Variants in HTR4 observed in about 807,000 individuals in gnomAD.
The protein encoded by HTR4 is 5-hydroxytryptamine (serotonin) receptor 4, G protein-coupled.
In HTR4, 16 loss-of-function variants were observed where a neutral mutation model predicts 36.8. The ratio of observed to expected loss-of-function variants is 0.43; its 90% CI spans 0.29 to 0.66. HTR4 has a LOEUF of 0.66. HTR4 is among the 30% of genes least tolerant of loss of function. HTR4 has a pLI of 0.13. For synonymous variants in HTR4, 189 were observed against 185.1 expected, an observed-to-expected ratio of 1.02 and a Z score of -0.17; for missense variants, 438 against 490.9, an observed-to-expected ratio of 0.89 and a Z score of 1.02.
intron 1 of HTR4, among the ~76,000 whole-genome samples, chr5:148,642,853 C>A (rs1414316283): frequency 6.6e-6 from 1 of 152,042 alleles, no homozygotes; most frequent in Non-Finnish European, 1.5e-5. Context: ...TCAGCTGATA[C>A]ATTCTCTTTA....
chr5:148,523,370 G>C (rs748875247), intron 4 of HTR4, 24 bp from the exon 5 acceptor site: 3 of 1,579,096 alleles, frequency 1.9e-6, no homozygotes, highest in Non-Finnish European at 2.6e-6. Flanking sequence ...AGAGGGCAGA[G>C]CATAGGCATG....
intron 2 of HTR4, among the ~76,000 whole-genome samples, chr5:148,636,244 A>G (rs1416578154): frequency 6.6e-6 from 1 of 152,186 alleles, no homozygotes; most frequent in African/African-American, 2.4e-5. Context: ...CCTGAAATAT[A>G]CTTTTCTAGA....
intron 2 of HTR4, among the ~76,000 whole-genome samples, chr5:148,624,810 A>T (rs1175105673): frequency 6.6e-6 from 1 of 152,196 alleles, no homozygotes; most frequent in African/African-American, 2.4e-5. Flanking sequence ...ATGGGCCTTC[A>T]ATGATGTGGA....
intron 6 of HTR4, among the ~76,000 whole-genome samples, chr5:148,488,214 C>T (rs998601058): frequency 3.3e-5 from 5 of 152,178 alleles, no homozygotes; most frequent in African/African-American, 9.7e-5. Flanking sequence ...GTTTCCCAAA[C>T]ATAGGATGTG....
chr5:148,627,616 A>C (rs1387972409), intron 2 of HTR4, among the ~76,000 whole-genome samples: 1 of 152,240 alleles, frequency 6.6e-6, no homozygotes, highest in Non-Finnish European at 1.5e-5. Flanking sequence ...AAATGAAGTC[A>C]TTACAAGCTA....
At chr5:148,476,559 T>C, downstream of HTR4, 1 of 1,423,640 alleles carries the variant, frequency 7.0e-7, no homozygotes. Flanking sequence ...CACTGAGATT[T>C]GGGACTGAAG....
intron 1 of HTR4, among the ~76,000 whole-genome samples, chr5:148,638,775 C>T (rs562503987): frequency 1.4e-4 from 21 of 152,204 alleles, no homozygotes; most frequent in Non-Finnish European, 2.2e-4. Context: ...TGATTCCTGG[C>T]CGGGGGCAGT....
chr5:148,461,123 T>G (rs1209455940), intron 5 of HTR4, among the ~76,000 whole-genome samples: 1 of 151,996 alleles, frequency 6.6e-6, no homozygotes, highest in African/African-American at 2.4e-5. Context: ...AAATAGAAGT[T>G]AAACTGATAT....
intron 2 of HTR4, among the ~76,000 whole-genome samples, chr5:148,567,025 T>C (rs1760470960): frequency 6.6e-6 from 1 of 152,096 alleles, no homozygotes; most frequent in Non-Finnish European, 1.5e-5. Context: ...TTAATAATTA[T>C]ATGAAATCCG....
intron 6 of HTR4, among the ~76,000 whole-genome samples, chr5:148,509,068 A>T (rs1168092140): frequency 6.6e-6 from 1 of 152,142 alleles, no homozygotes; most frequent in Non-Finnish European, 1.5e-5. Context: ...AATAGATAAC[A>T]TTTACTAAAT....
At chr5:148,645,698 AGGT>A (rs1413216956) in intron 1 of HTR4, 1 of 152,396 alleles carries the variant, frequency 6.6e-6, no homozygotes, top group East Asian at 1.9e-4. Flanking sequence ...CTCACAAAGC[AGGT>A]GCTCAATGAG....
rs528177483 is a variant in HTR4, at chr5:148,584,847, T to C, written c.27-34585A>G. Among the ~76,000 whole-genome samples the C allele has an allele frequency of 4.6e-5, 7 of 152,270 alleles. No homozygotes were observed. The East Asian group carries it at 1.4e-3, about 29-fold the overall frequency. ...CCCTTTTCTTCTCTTTGAACCAAAA[T>C]TGATATCTAGAGCAACAGTAGCCAC... On this transcript the variant is annotated intron_variant, in intron 2 of 6. Transcript: ENST00000377888.
rs76304703 is a variant in HTR4, at chr5:148,565,841, C to T, written c.27-15579G>A. 1.7e-3 allele frequency among the ~76,000 whole-genome samples: 261 copies of T among 152,272 alleles called. 2 individuals are homozygous for T. The highest frequency in any genetic ancestry group is 5.7e-3 in the African/African-American group (238 of 41,562). On this transcript the variant is annotated intron_variant, in intron 2 of 6. Coordinates refer to ENST00000377888, the MANE Select transcript of HTR4 (RefSeq NM_000870.7). ...CCTCCTGCACCTGGTTACTAGTCAT[C>T]TCTAGAGCCAAAGACAGAATCATGT...
chr5:148,533,820 T>A (rs990448180), intron 4 of HTR4, among the ~76,000 whole-genome samples: 1 of 152,196 alleles, frequency 6.6e-6, no homozygotes, highest in Non-Finnish European at 1.5e-5. Context: ...TGAGAATTGA[T>A]GAAATAATAT....
At chr5:148,588,536 T>C (rs1026337177) in intron 2 of HTR4, among the ~76,000 whole-genome samples, 18 of 106,484 alleles carry the variant, frequency 1.7e-4, no homozygotes, top group Admixed American at 9.5e-4. Context: ...TCTTTTTTTT[T>C]TTTTTTTTTT....
intron 1 of HTR4, among the ~76,000 whole-genome samples, chr5:148,640,730 A>C (rs1753705381): frequency 6.6e-6 from 1 of 152,222 alleles, no homozygotes; most frequent in East Asian, 1.9e-4. Context: ...GCTGAGTAAT[A>C]TACAATAAAA....
At position 148,483,134 on chromosome 5, in the gene HTR4, C is replaced by G. The variant is rs553152961; in HGVS notation, c.*69G>C. On this transcript the variant is annotated 3_prime_UTR_variant, in exon 7 of 7. Transcript: ENST00000377888. ...AGAGAATACCGGGTGCAGTCGCGCACAAGCAGCAGCTTAGGACCTGGCCCT... is the reference window on the plus strand; with the variant it reads ...AGAGAATACCGGGTGCAGTCGCGCAGAAGCAGCAGCTTAGGACCTGGCCCT... 5.6e-6 allele frequency: 9 copies of G among 1,607,954 alleles called. No individual in the cohort carries two copies. The African/African-American group carries it at 9.3e-5, about 17-fold the overall frequency.
chr5:148,455,114 A>G (rs1180336122), intron 5 of HTR4, among the ~76,000 whole-genome samples: 1 of 152,206 alleles, frequency 6.6e-6, no homozygotes, highest in Non-Finnish European at 1.5e-5. Flanking sequence ...TTTCATGTAT[A>G]CAATTTACTT....
At chr5:148,483,507 C>T (rs1325143667) in intron 6 of HTR4, among the ~76,000 whole-genome samples, 1 of 152,182 alleles carries the variant, frequency 6.6e-6, no homozygotes, top group African/African-American at 2.4e-5. Flanking sequence ...CAGCCAAAAT[C>T]GGTGTCCATA....
Sources: gnomAD v4.1 joint callset for allele counts (sites outside exome capture counted in the v4.1 genomes callset) on GRCh38, gnomAD v4.1.1 for gene constraint, MANE v1.5 for transcripts, NCBI Gene and HGNC (gene_info 2026-07-23, HGNC 2026-07-21) for gene names.